The following CAND2 variants were observed in gnomAD, a reference collection of about 807,000 sequenced individuals.
CAND2 encodes cullin associated and neddylation dissociated 2 (putative).
In CAND2, 62 loss-of-function variants were observed where a neutral mutation model predicts 98.9. That is an observed-to-expected ratio of 0.63 (90% CI 0.51 to 0.77). The LOEUF (loss-of-function observed/expected upper bound fraction) is 0.77, where lower values mean the gene tolerates loss of function less well. Ranked by LOEUF, CAND2 falls within the 30% of genes least tolerant of loss-of-function variation. CAND2 has a pLI of 0.00. For synonymous variants in CAND2, 770 were observed against 731.9 expected, an observed-to-expected ratio of 1.05 and a Z score of -0.84; for missense variants, 1,501 against 1,655.2, an observed-to-expected ratio of 0.91 and a Z score of 1.62.
Position 12,813,395 on chromosome 3 carries a change from G to A in CAND2, c.1006+7G>A. ...AGTGAATTCAGTGAGCAAGGTTGGT[G>A]GACAGCCCATCATTGGGGTTGGAGG... On this transcript the variant is annotated splice_region_variant and intron_variant, in intron 7 of 14. Coordinates refer to ENST00000456430, the MANE Select transcript of CAND2 (RefSeq NM_001162499.2). 6.2e-7 allele frequency: 1 copy of A among 1,611,756 alleles called. No homozygotes were observed. Among genetic ancestry groups the A allele is most frequent in the Non-Finnish European group, 8.5e-7 (1 of 1,178,806 alleles).
chr3:12,801,461 C>T (rs1481015287), intron 1 of CAND2, among the ~76,000 whole-genome samples: 1 of 152,216 alleles, frequency 6.6e-6, no homozygotes, highest in African/African-American at 2.4e-5. Context: ...TCTGCTCCTA[C>T]CCTCTTAATT....
rs1559553759 is a variant in CAND2 at position 12,816,876 on chromosome 3, C to T, written c.1944C>T (p.Pro648=). 6.2e-7 allele frequency: 1 copy of T among 1,613,904 alleles called. No homozygotes were observed. The highest frequency in any genetic ancestry group is 8.5e-7 in the Non-Finnish European group (1 of 1,180,040). Residue 648 remains proline, a synonymous_variant, in exon 10 of 15, where the codon CCC becomes CCT. Coordinates refer to ENST00000456430, the MANE Select transcript of CAND2 (RefSeq NM_001162499.2). The part of the protein sequence containing the change: ...AVSPLQLDLQ[P]ILAEALHILA... ...CCCCACTACAGCTTGACCTACAGCC[C>T]ATCCTGGCCGAGGCACTGCACATTC...
intron 11 of CAND2, among the ~76,000 whole-genome samples, chr3:12,823,961 C>A: frequency 1.4e-5 from 1 of 73,848 alleles, no homozygotes; most frequent in South Asian, 3.2e-4. Context: ...AGGGATTCCC[C>A]CATCCTTATT....
rs749442202 is a variant in CAND2, at chr3:12,816,894, G to T, written c.1962G>T (p.Leu654=). Residue 654 remains leucine (L), a synonymous_variant, in exon 10 of 15, where the codon CTG becomes CTT. Coordinates refer to ENST00000456430, the MANE Select transcript of CAND2 (RefSeq NM_001162499.2). ...TACAGCCCATCCTGGCCGAGGCACT[G>T]CACATTCTGGCCTCATTCCTGCGGA... ...LDLQPILAEA[L]HILASFLRKN... The T allele has an allele frequency of 1.9e-6, 3 of 1,613,870 alleles. No homozygotes were observed. In the South Asian group the frequency reaches 3.3e-5, roughly 18 times the overall value.
Position 12,818,844 on chromosome 3 carries a change from A to G in CAND2, c.2944+968A>G, listed in dbSNP as rs967623672. Among the ~76,000 whole-genome samples the G allele has an allele frequency of 2.0e-5, 3 of 152,344 alleles. 1 individual carries two copies. Among genetic ancestry groups the G allele is most frequent in the South Asian group, 4.1e-4 (2 of 4,828 alleles). ...GTCTGGCCTCAGGACTGGATGGAAGAACATTGTTGAGGACACTGTCTATTA... is the reference window on the plus strand; with the variant it reads ...GTCTGGCCTCAGGACTGGATGGAAGGACATTGTTGAGGACACTGTCTATTA... On this transcript the variant is annotated intron_variant, in intron 10 of 14. Coordinates refer to ENST00000456430, the MANE Select transcript of CAND2 (RefSeq NM_001162499.2).
intron 10 of CAND2, among the ~76,000 whole-genome samples, chr3:12,818,422 A>G (rs1347151038): frequency 2.0e-5 from 3 of 152,248 alleles, no homozygotes; most frequent in Non-Finnish European, 4.4e-5. Context: ...GCCTGAGCCA[A>G]GAGCAGACGT....
intron 4 of CAND2, among the ~76,000 whole-genome samples, chr3:12,809,638 A>G (rs1055597299): frequency 6.6e-6 from 1 of 152,084 alleles, no homozygotes; most frequent in African/African-American, 2.4e-5. Flanking sequence ...CTCCAAAGGC[A>G]CTAGGGAGCC....
intron 5 of CAND2, 85 bp from the exon 6 acceptor site, chr3:12,812,905 G>A (rs1403006249): frequency 1.2e-6 from 1 of 808,738 alleles, no homozygotes; most frequent in Non-Finnish European, 2.1e-6. Context: ...AGGGCTGCAG[G>A]TGCATAGACA....
chr3:12,831,865 G>A (rs927070335), intron 14 of CAND2, among the ~76,000 whole-genome samples: 12 of 152,352 alleles, frequency 7.9e-5, no homozygotes, highest in African/African-American at 2.9e-4. Flanking sequence ...CCTGGGTGCT[G>A]AGCCTCGTGG....
At chr3:12,820,448 C>A (rs779917155) in intron 11 of CAND2, among the ~76,000 whole-genome samples, 1 of 152,228 alleles carries the variant, frequency 6.6e-6, no homozygotes, top group Non-Finnish European at 1.5e-5. Flanking sequence ...GTGAGAAACT[C>A]TTATTATCTG....
intron 7 of CAND2, among the ~76,000 whole-genome samples, 200 bp downstream of exon 7, chr3:12,813,588 A>G (rs1372666882): frequency 6.6e-6 from 1 of 152,208 alleles, no homozygotes; most frequent in African/African-American, 2.4e-5. Context: ...AGCATCTACT[A>G]GTTGTGTTCC....
At chr3:12,814,662 A>G (rs2061881806) in intron 7 of CAND2, among the ~76,000 whole-genome samples, 1 of 152,064 alleles carries the variant, frequency 6.6e-6, no homozygotes, top group African/African-American at 2.4e-5. Flanking sequence ...AGTAAACGAA[A>G]CATCACATAG....
Position 12,827,522 on chromosome 3 carries a change from T to C in CAND2, c.3293T>C (p.Leu1098Pro), listed in dbSNP as rs1159360892. 6.2e-7 allele frequency: 1 copy of C among 1,613,972 alleles called. No homozygotes were observed. The highest frequency in any genetic ancestry group is 8.5e-7 in the Non-Finnish European group (1 of 1,180,012). The change falls in exon 13 of 15, where the codon CTT becomes CCT. Residue 1098 changes from leucine to proline, a missense_variant. Around this residue, in one of 3 missense-constraint regions of CAND2, gnomAD observed 1,427 missense variants for 1,545.3 expected, o/e 0.92. Coordinates refer to ENST00000456430, the MANE Select transcript of CAND2 (RefSeq NM_001162499.2). ...GCCTTTGAATGCATGTATTCACTGC[T>C]TGAGAGCTGCCTGGGCCAGCTGGAT... The part of the protein sequence containing the change: ...KAAFECMYSL[L>P]ESCLGQLDIC...
Position 12,816,419 on chromosome 3 carries a change from G to C in CAND2, c.1487G>C (p.Arg496Pro), listed in dbSNP as rs779105083. The change falls in exon 10 of 15, where the codon CGG becomes CCG. Residue 496 changes from arginine to proline, a missense_variant. By Grantham distance (103) the Arg-to-Pro change is moderately radical. Transcript: ENST00000456430. ...GACCGCTCCAGCTCCTCCACCATCC[G>C]GATGGATGCCCTGGCCTTCTTGCAG... ...LADRSSSSTI[R>P]MDALAFLQGL... 6.2e-7 allele frequency: 1 copy of C among 1,613,816 alleles called. No individual in the cohort carries two copies. Among genetic ancestry groups the C allele is most frequent in the South Asian group, 1.1e-5 (1 of 91,076 alleles).
At chr3:12,803,724 G>C in intron 2 of CAND2, 93 bp downstream of exon 2, 1 of 1,170,434 alleles carries the variant, frequency 8.5e-7, no homozygotes, top group Non-Finnish European at 1.2e-6. Context: ...CAGCCTCGCA[G>C]AGGAGACCTG....
rs77608570 is a variant in CAND2, at chr3:12,808,069, A to C, written c.368-141A>C. The C allele has an allele frequency of 5.9e-3, 6,695 of 1,135,872 alleles. 218 individuals carry two copies. The African/African-American group carries it at 0.078, about 13-fold the overall frequency. The allele number at this position is 1,135,872 out of a possible 1,614,324, so 70.4% of individuals were successfully genotyped here. A position where few individuals can be genotyped will look rare whatever the true frequency, so the allele number is the denominator to read the frequency against. The stretch of plus-strand genomic sequence containing the variant: ...CTTGACTTTGGCCAGACTCTGGGTC[A>C]AACCTGGGACCTCTGGAGCCCTGGT... On this transcript the variant is annotated intron_variant, in intron 3 of 14. Coordinates refer to ENST00000456430, the MANE Select transcript of CAND2 (RefSeq NM_001162499.2).
rs199996088 is a variant in CAND2, at chr3:12,816,847, G to A, written c.1915G>A (p.Val639Ile). 84 of 1,613,772 alleles carry A rather than the reference G, an allele frequency of 5.2e-5. No homozygotes were observed. The African/African-American group carries it at 8.4e-4, about 16-fold the overall frequency. ...CATCAAGGCGCTTACGCTGGTGGCC[G>A]TATCCCCACTACAGCTTGACCTACA... The part of the protein sequence containing the change: ...PAIKALTLVA[V>I]SPLQLDLQPI... Residue 639 changes from valine (V) to isoleucine (I), a missense_variant, in exon 10 of 15, where the codon GTA becomes ATA. By Grantham distance (29) the Val-to-Ile change is conservative (BLOSUM62 3). Transcript: ENST00000456430.
intron 12 of CAND2, 118 bp from the exon 13 acceptor site, chr3:12,827,322 A>G: frequency 1.1e-6 from 1 of 916,832 alleles, no homozygotes; most frequent in Non-Finnish European, 1.7e-6. Context: ...TTGAGAGTAT[A>G]AGGCACGATT....
In CAND2 at chr3:12,833,875, G is replaced by T. The variant is rs781648408; in HGVS notation, c.3604G>T (p.Asp1202Tyr). ...PEVGKSPIMA[D>Y]FSSQIRSNPE... ...GGTGGGGAAAAGCCCCATCATGGCC[G>T]ACTTCTCTTCCCAAATCAGATCCAA... Residue 1202 changes from aspartate (D) to tyrosine (Y), a missense_variant, in exon 15 of 15, where the codon GAC becomes TAC. Transcript: ENST00000456430. 1 of 1,614,192 alleles carries T rather than the reference G, an allele frequency of 6.2e-7. No homozygotes were observed. The highest frequency in any genetic ancestry group is 1.1e-5 in the South Asian group (1 of 91,074).
Sources: allele counts gnomAD v4.1 joint callset (sites outside exome capture counted in the v4.1 genomes callset), GRCh38; gene constraint gnomAD v4.1.1; regional missense constraint gnomAD v4.1.1; transcripts MANE v1.5; gene names NCBI Gene and HGNC (gene_info 2026-07-23, HGNC 2026-07-21).